Variants in NRP2 observed in about 807,000 individuals in gnomAD.
NRP2 encodes neuropilin 2.
In NRP2, 52 loss-of-function variants were observed where a neutral mutation model predicts 110.4. The ratio of observed to expected loss-of-function variants is 0.47; its 90% CI spans 0.38 to 0.59. The LOEUF (loss-of-function observed/expected upper bound fraction) is 0.59, where lower values mean the gene tolerates loss of function less well. Among genes scored for constraint, NRP2 ranks in the 20% least tolerant of loss-of-function variants. The pLI, the probability that NRP2 is intolerant of heterozygous loss-of-function variation, is 0.00. For missense variants in NRP2, 1,049 were observed against 1,203.0 expected (o/e 0.87, Z 1.89); for synonymous variants, 508 against 468.9 (o/e 1.08, Z -1.08).
intron 15 of NRP2, among the ~76,000 whole-genome samples, chr2:205,769,807 T>C (rs2057990241): frequency 6.6e-6 from 1 of 152,036 alleles, no homozygotes; most frequent in Admixed American, 6.5e-5. Flanking sequence ...CTTTAACAAA[T>C]GAAAAACCGT....
rs10591632 is a variant in NRP2 at position 205,690,579 on chromosome 2, TACACACACACACAC to T, written c.74-6927_74-6914del. On this transcript the variant is annotated intron_variant, in intron 1 of 16. Coordinates refer to ENST00000357785, the MANE Select transcript of NRP2 (RefSeq NM_003872.3). Reference sequence around the variant, plus strand: ...AGCAAGACCCCATCCCTGCTAAAAATACACACACACACACACACACACACACACACACACACACA... The same window carrying T: ...AGCAAGACCCCATCCCTGCTAAAAATACACACACACACACACACACACACA... Among the ~76,000 whole-genome samples, 825 of 124,270 alleles carry T rather than the reference TACACACACACACAC, an allele frequency of 6.6e-3. 4 individuals are homozygous for T. Among genetic ancestry groups the T allele is most frequent in the South Asian group, 0.026 (82 of 3,202 alleles). 81.5% of individuals were successfully genotyped at this position (124,270 alleles called of 152,430 possible).
At chr2:205,784,692 C>G (rs1489462646) in intron 15 of NRP2, among the ~76,000 whole-genome samples, 1 of 152,228 alleles carries the variant, frequency 6.6e-6, no homozygotes, top group Non-Finnish European at 1.5e-5. Context: ...GGTCACCACT[C>G]ATCTGCCTTT....
chr2:205,762,526 C>G (rs2057841259), intron 12 of NRP2: 1 of 152,264 alleles, frequency 6.6e-6, no homozygotes, highest in South Asian at 2.1e-4. Context: ...AGTAAGAAAG[C>G]TCTGTGCATC....
intron 10 of NRP2, among the ~76,000 whole-genome samples, chr2:205,749,368 T>C (rs2057599509): frequency 6.6e-6 from 1 of 152,192 alleles, no homozygotes; most frequent in Non-Finnish European, 1.5e-5. Context: ...CCATCCAGTT[T>C]TGTGCAAACA....
chr2:205,729,198 AG>A (rs752505580), intron 7 of NRP2, among the ~76,000 whole-genome samples: 28 of 152,222 alleles, frequency 1.8e-4, no homozygotes, highest in Non-Finnish European at 3.8e-4. Context: ...AAACGGGAAA[AG>A]GAGTAGATTT....
Position 205,763,642 on chromosome 2 carries a change from G to A in NRP2, c.2045-32G>A. The A allele has an allele frequency of 6.2e-7, 1 of 1,613,814 alleles. No individual in the cohort carries two copies. Among genetic ancestry groups the A allele is most frequent in the Non-Finnish European group, 8.5e-7 (1 of 1,180,006 alleles). ...ACTGGTGTCTTTCCCGAGTGTTTAT[G>A]GAGAACCTCTGTTTGGGTTTGTTTC... is the stretch of plus-strand genomic sequence containing the variant. On this transcript the variant is annotated intron_variant, in intron 12 of 16. Coordinates refer to ENST00000357785, the MANE Select transcript of NRP2 (RefSeq NM_003872.3). This position sits in a 1 kb window ranked among gnomAD's most constrained non-coding sequence, Gnocchi z 4.0.
intron 10 of NRP2, among the ~76,000 whole-genome samples, chr2:205,746,889 G>A (rs139530992): frequency 6.6e-6 from 1 of 152,328 alleles, no homozygotes; most frequent in African/African-American, 2.4e-5. Flanking sequence ...CACACGGGCT[G>A]GGAATTGGGC....
intron 15 of NRP2, among the ~76,000 whole-genome samples, chr2:205,790,845 A>G (rs1295331565): frequency 1.3e-5 from 2 of 152,176 alleles, no homozygotes; most frequent in African/African-American, 4.8e-5. Flanking sequence ...CGTGGCCTGC[A>G]GGTGCCACTT....
intron 7 of NRP2, among the ~76,000 whole-genome samples, chr2:205,739,627 C>G (rs1357802503): frequency 6.6e-6 from 1 of 151,514 alleles, no homozygotes; most frequent in South Asian, 2.1e-4. Flanking sequence ...TGGTTTTTCC[C>G]TCTACCCTTA....
intron 2 of NRP2, chr2:205,700,819 G>A: frequency 2.0e-6 from 1 of 505,190 alleles, no homozygotes. Context: ...CCAGCCACTT[G>A]CAGAAATGCA....
chr2:205,700,904 T>C (rs974761805), intron 2 of NRP2: 6 of 349,126 alleles, frequency 1.7e-5, no homozygotes, highest in African/African-American at 1.3e-4. Flanking sequence ...ACTGTGGTAC[T>C]GCTGGACTCC....
intron 11 of NRP2, among the ~76,000 whole-genome samples, chr2:205,750,429 G>A (rs376939136): frequency 2.0e-5 from 3 of 152,172 alleles, no homozygotes; most frequent in East Asian, 1.9e-4. Flanking sequence ...AGACAAAGGC[G>A]GAAATGTAAA....
chr2:205,683,727 G>C (rs145820226), intron 1 of NRP2, among the ~76,000 whole-genome samples: 55 of 152,288 alleles, frequency 3.6e-4, no homozygotes, highest in Non-Finnish European at 7.2e-4. Context: ...CATCTCCCTT[G>C]AGTTTCTCCA....
At chr2:205,764,190 AT>A (rs1407652261) in intron 13 of NRP2, 136 of 531,826 alleles carry the variant, frequency 2.6e-4, no homozygotes, top group African/African-American at 2.4e-3. Flanking sequence ...TCTCCATTTT[AT>A]TTTAGATTGC....
rs147109547 is a variant in NRP2, at chr2:205,763,289, C to G, written c.2045-385C>G. Among the ~76,000 whole-genome samples, 2 of 152,162 alleles carry G rather than the reference C, an allele frequency of 1.3e-5. No individual in the cohort carries two copies. The highest frequency in any genetic ancestry group is 2.4e-5 in the African/African-American group (1 of 41,460). On this transcript the variant is annotated intron_variant, in intron 12 of 16. Transcript: ENST00000357785. This position sits in a 1 kb window ranked among gnomAD's most constrained non-coding sequence, Gnocchi z 4.0. ...TTGTAATTCAGTTCATCAGATTGCA[C>G]TGGCCCTTTGGGTGAGTTAATGATG...
Position 205,795,541 on chromosome 2 carries a change from T to G in NRP2, c.*483T>G, listed in dbSNP as rs2058345251. The G allele has an allele frequency of 6.6e-6, 1 of 152,646 alleles. No individual in the cohort carries two copies. The highest frequency in any genetic ancestry group is 1.5e-5 in the Non-Finnish European group (1 of 68,090). The allele number at this position is 152,646 out of a possible 1,614,324, so 9.5% of individuals were successfully genotyped here. A position where few individuals can be genotyped will look rare whatever the true frequency, so the allele number is the denominator to read the frequency against. On this transcript the variant is annotated 3_prime_UTR_variant, in exon 17 of 17. Coordinates refer to ENST00000357785, the MANE Select transcript of NRP2 (RefSeq NM_003872.3). ...AAGTGTCTTTTCAGCCTTTCCATCT[T>G]TACAAATAAAACTCAAAAAAGCCGT...
In NRP2 at chr2:205,683,209, A is replaced by C. The variant is rs2056053159; in HGVS notation, c.-82A>C. ...AACCTCTGCATAAGACGTTGTAAGG[A>C]GGAAAATAAAAGAGAGAAAAACACA... is the stretch of plus-strand genomic sequence containing the variant. On this transcript the variant is annotated 5_prime_UTR_variant, in exon 1 of 17. Coordinates refer to ENST00000357785, the MANE Select transcript of NRP2 (RefSeq NM_003872.3). 2.0e-6 allele frequency: 2 copies of C among 1,024,486 alleles called. No homozygotes were observed. The highest frequency in any genetic ancestry group is 3.0e-6 in the Non-Finnish European group (2 of 660,188). The allele number at this position is 1,024,486 out of a possible 1,614,324, so 63.5% of individuals were successfully genotyped here.
chr2:205,750,291 A>T (rs561909971), intron 11 of NRP2, among the ~76,000 whole-genome samples: 5 of 152,338 alleles, frequency 3.3e-5, no homozygotes, highest in African/African-American at 1.2e-4. Context: ...AGTTGGGTTA[A>T]TCCAGCAGTT....
rs2058361627 is a variant in NRP2, at chr2:205,797,628, A to G, written c.*2570A>G. 6.5e-6 allele frequency: 1 copy of G among 152,680 alleles called. No homozygotes were observed. Among genetic ancestry groups the G allele is most frequent in the Non-Finnish European group, 1.5e-5 (1 of 68,060 alleles). The allele number at this position is 152,680 out of a possible 1,614,324, so 9.5% of individuals were successfully genotyped here. A position where few individuals can be genotyped will look rare whatever the true frequency, so the allele number is the denominator to read the frequency against. On this transcript the variant is annotated 3_prime_UTR_variant, in exon 17 of 17. Transcript: ENST00000357785. ...TGGAGGCTGGTCTGTCATAAGACAG[A>G]AAGAAAGACGCTGGGCCCAATTTTG...
Sources: allele counts gnomAD v4.1 joint callset (sites outside exome capture counted in the v4.1 genomes callset), GRCh38; gene constraint gnomAD v4.1.1; non-coding constraint Gnocchi (gnomAD v3.1); transcripts MANE v1.5; gene names NCBI Gene and HGNC (gene_info 2026-07-23, HGNC 2026-07-21).